Variants in NEXMIF observed in about 807,000 individuals in gnomAD.
The protein encoded by NEXMIF is neurite extension and migration factor.
NEXMIF carries 8 observed loss-of-function variants against 62.1 expected under a neutral mutation model. The observed-to-expected ratio is 0.13, with a 90% CI of 0.08 to 0.23. NEXMIF has a LOEUF of 0.23. Among genes scored for constraint, NEXMIF ranks in the 10% least tolerant of loss-of-function variants. The pLI, the probability that NEXMIF is intolerant of heterozygous loss-of-function variation, is 1.00. For missense variants in NEXMIF, 976 were observed against 1,113.3 expected, an observed-to-expected ratio of 0.88 and a Z score of 1.75; for synonymous variants, 404 against 416.6, an observed-to-expected ratio of 0.97 and a Z score of 0.37.
In NEXMIF at chrX:74,836,487, C is replaced by T. The variant is rs963236093; in HGVS notation, c.-48+88396G>A. Among the ~76,000 whole-genome samples, 5 of 111,532 alleles carry T rather than the reference C, an allele frequency of 4.5e-5. No homozygotes were observed. In the Admixed American group the frequency reaches 4.7e-4, roughly 11 times the overall value. ...GCTGGTTATTCAGGTCCCAAGAGCTCTTTAGTTAGCAGGTGATGAATCCTG... is the reference window on the plus strand; with the variant it reads ...GCTGGTTATTCAGGTCCCAAGAGCTTTTTAGTTAGCAGGTGATGAATCCTG... On this transcript the variant is annotated intron_variant, in intron 1 of 3. Coordinates refer to ENST00000055682, the MANE Select transcript of NEXMIF (RefSeq NM_001008537.3).
chrX:74,746,694 G>A (rs957886352), intron 1 of NEXMIF, among the ~76,000 whole-genome samples: 1 of 112,384 alleles, frequency 8.9e-6, no homozygotes, highest in South Asian at 3.7e-4. Context: ...ACAGTTCCAC[G>A]TGATTCAATC....
At chrX:74,764,160 G>C (rs991010678) in intron 1 of NEXMIF, among the ~76,000 whole-genome samples, 13 of 111,697 alleles carry the variant, frequency 1.2e-4, no homozygotes, top group East Asian at 8.4e-4. Context: ...CTAATTTATT[G>C]AGAGTTTTTA....
chrX:74,828,991 C>T (rs1412407484), intron 1 of NEXMIF, among the ~76,000 whole-genome samples: 1 of 111,910 alleles, frequency 8.9e-6, no homozygotes, highest in Non-Finnish European at 1.9e-5. Flanking sequence ...AAAGGCGATA[C>T]ATAATAGGTC....
chrX:74,834,342 C>T (rs1182484046), intron 1 of NEXMIF, among the ~76,000 whole-genome samples: 1 of 110,621 alleles, frequency 9.0e-6, no homozygotes, highest in Non-Finnish European at 1.9e-5. Flanking sequence ...AGTTAAAATA[C>T]CATAATTATA....
intron 1 of NEXMIF, among the ~76,000 whole-genome samples, chrX:74,841,203 T>C (rs1345546827): frequency 9.0e-6 from 1 of 111,270 alleles, no homozygotes; most frequent in Admixed American, 9.6e-5. Flanking sequence ...CCTCCCTGGA[T>C]AGCTGTATTC....
At chrX:74,763,599 G>A (rs947014546) in intron 1 of NEXMIF, among the ~76,000 whole-genome samples, 3 of 111,787 alleles carry the variant, frequency 2.7e-5, no homozygotes, top group Non-Finnish European at 3.8e-5. Context: ...CTATCCATGA[G>A]CATGGAATGT....
At chrX:74,806,718 G>T (rs2080345861) in intron 1 of NEXMIF, among the ~76,000 whole-genome samples, 1 of 112,601 alleles carries the variant, frequency 8.9e-6, no homozygotes, top group Non-Finnish European at 1.9e-5. Context: ...TTAGGTCTAT[G>T]ATACTTTTTA....
At position 74,806,651 on chromosome X, in the gene NEXMIF, T is replaced by A. The variant is rs149930331; in HGVS notation, c.-47-60954A>T. ...ATAAAAGTCATCACCAAGCCCAAGA[T>A]CACGTAGATTTTCTCCTATGTTTTC... On this transcript the variant is annotated intron_variant, in intron 1 of 3. Coordinates refer to ENST00000055682, the MANE Select transcript of NEXMIF (RefSeq NM_001008537.3). 7.6e-3 allele frequency among the ~76,000 whole-genome samples: 850 copies of A among 112,188 alleles called. 10 individuals carry two copies. Among genetic ancestry groups the A allele is most frequent in the African/African-American group, 0.026 (792 of 30,942 alleles).
intron 1 of NEXMIF, among the ~76,000 whole-genome samples, chrX:74,879,277 G>C (rs947525024): frequency 7.2e-5 from 8 of 111,808 alleles, no homozygotes; most frequent in African/African-American, 2.6e-4. Context: ...TGACTGTATT[G>C]AATAATAGCC....
At chrX:74,774,699 A>G (rs1284158265) in intron 1 of NEXMIF, among the ~76,000 whole-genome samples, 1 of 111,736 alleles carries the variant, frequency 8.9e-6, no homozygotes, top group Non-Finnish European at 1.9e-5. Context: ...ACTATATTAC[A>G]TAGCCTCTTT....
At chrX:74,766,406 A>T (rs1284125047) in intron 1 of NEXMIF, among the ~76,000 whole-genome samples, 1 of 111,621 alleles carries the variant, frequency 9.0e-6, no homozygotes, top group Non-Finnish European at 1.9e-5. Context: ...ACATAACCCC[A>T]TATTACTCAG....
In NEXMIF at chrX:74,739,442, AAC is replaced by A. The variant is rs1179731706; in HGVS notation, c.4512_4513del (p.Phe1505Ter). Reference sequence around the variant, plus strand: ...CTGGAAAATGCGAGTCTCTTCTTCAAACACAGGTAAAACCCAAAAGGTTGTTT... The same window carrying A: ...CTGGAAAATGCGAGTCTCTTCTTCAAACAGGTAAAACCCAAAAGGTTGTTT... On this transcript the variant is annotated frameshift_variant, in exon 4 of 4. Coordinates refer to ENST00000055682, the MANE Select transcript of NEXMIF (RefSeq NM_001008537.3). LOFTEE classifies it high-confidence loss of function. 8.3e-7 allele frequency: 1 copy of A among 1,198,363 alleles called. No individual in the cohort carries two copies. The highest frequency in any genetic ancestry group is 1.1e-6 in the Non-Finnish European group (1 of 891,175).
At chrX:74,797,260 C>T (rs750360298) in intron 1 of NEXMIF, among the ~76,000 whole-genome samples, 20 of 111,811 alleles carry the variant, frequency 1.8e-4, no homozygotes, top group African/African-American at 6.2e-4. Context: ...TGGATTGGAT[C>T]CTGATATTTT....
chrX:74,822,011 A>G (rs2080398814), intron 1 of NEXMIF, among the ~76,000 whole-genome samples: 1 of 111,771 alleles, frequency 8.9e-6, no homozygotes, highest in Non-Finnish European at 1.9e-5. Context: ...TCGGCCTCCC[A>G]GTGTTGGGAT....
In NEXMIF at chrX:74,733,264, G is replaced by A. The variant is rs1221933352; in HGVS notation, c.*6141C>T. 8.9e-6 allele frequency: 1 copy of A among 112,077 alleles called. No individual in the cohort carries two copies. The highest frequency in any genetic ancestry group is 9.5e-5 in the Admixed American group (1 of 10,537). The allele number at this position is 112,077 out of a possible 1,213,427, so 9.2% of individuals were successfully genotyped here. The stretch of plus-strand genomic sequence containing the variant: ...TTGATGAGTGGACTTGTCTCAAACA[G>A]GGTACCAACTTTTTGCAATTCGTTT... On this transcript the variant is annotated 3_prime_UTR_variant, in exon 4 of 4. Coordinates refer to ENST00000055682, the MANE Select transcript of NEXMIF (RefSeq NM_001008537.3).
chrX:74,785,683 T>C (rs1041949615), intron 1 of NEXMIF, among the ~76,000 whole-genome samples: 1 of 112,192 alleles, frequency 8.9e-6, no homozygotes, highest in African/African-American at 3.2e-5. Context: ...ATAAAAACTG[T>C]ACACATGGAT....
At chrX:74,824,591 A>C (rs2080408302) in intron 1 of NEXMIF, among the ~76,000 whole-genome samples, 1 of 111,762 alleles carries the variant, frequency 8.9e-6, no homozygotes, top group African/African-American at 3.2e-5. Context: ...AACTGTCTTC[A>C]AATATTTTGG....
At chrX:74,887,101 A>G (rs1363471213) in intron 1 of NEXMIF, among the ~76,000 whole-genome samples, 2 of 112,688 alleles carry the variant, frequency 1.8e-5, no homozygotes, top group Non-Finnish European at 3.7e-5. Context: ...AGCCAGATGT[A>G]GAAAGCTGAA....
At chrX:74,843,855 T>C (rs1251774968) in intron 1 of NEXMIF, among the ~76,000 whole-genome samples, 1 of 112,398 alleles carries the variant, frequency 8.9e-6, no homozygotes, top group Non-Finnish European at 1.9e-5. Context: ...TTGGCTTGTT[T>C]ATGTGGTTGC....
Sources: gnomAD v4.1 joint callset for allele counts (sites outside exome capture counted in the v4.1 genomes callset) on GRCh38, gnomAD v4.1.1 for gene constraint, MANE v1.5 for transcripts, NCBI Gene and HGNC (gene_info 2026-07-23, HGNC 2026-07-21) for gene names.